Variants in CDH12 observed in about 807,000 individuals in gnomAD.
CDH12 encodes the protein cadherin-12.
Under a neutral mutation model 74.1 loss-of-function variants are expected in CDH12, and 41 were observed. The ratio of observed to expected loss-of-function variants is 0.55; its 90% confidence interval spans 0.43 to 0.72. The LOEUF (loss-of-function observed/expected upper bound fraction) is 0.72. CDH12 is among the 30% of genes least tolerant of loss of function. The pLI is 0.00. For missense variants in CDH12, 945 were observed against 977.2 expected, an observed-to-expected ratio of 0.97 and a Z score of 0.44; for synonymous variants, 399 against 355.0, an observed-to-expected ratio of 1.12 and a Z score of -1.39.
chr5:21,881,720 A>G (rs1752364836), intron 6 of CDH12, among the ~76,000 whole-genome samples: 1 of 152,202 alleles, frequency 6.6e-6, no homozygotes, highest in Non-Finnish European at 1.5e-5. Context: ...CTGATACAAA[A>G]TGGTTACTAA....
intron 1 of CDH12, among the ~76,000 whole-genome samples, chr5:22,690,660 T>C (rs1317403336): frequency 1.3e-5 from 2 of 152,170 alleles, no homozygotes; most frequent in Non-Finnish European, 2.9e-5. Context: ...ATAACCTTTT[T>C]GTAAGTTCAG....
chr5:22,356,182 G>A (rs1164864222), intron 3 of CDH12, among the ~76,000 whole-genome samples: 1 of 152,054 alleles, frequency 6.6e-6, no homozygotes, highest in Non-Finnish European at 1.5e-5. Context: ...TCTGTTTGTG[G>A]TGTTTATTTT....
chr5:22,561,525 G>A (rs1218622447), intron 1 of CDH12, among the ~76,000 whole-genome samples: 1 of 151,868 alleles, frequency 6.6e-6, no homozygotes, highest in Non-Finnish European at 1.5e-5. Context: ...TCCACCTAAG[G>A]GAGCTGGATC....
chr5:22,658,914 G>C (rs890014787), intron 1 of CDH12, among the ~76,000 whole-genome samples: 1 of 152,080 alleles, frequency 6.6e-6, no homozygotes, highest in African/African-American at 2.4e-5. Context: ...GGCTTATAGG[G>C]GGGGATGTAT....
chr5:22,824,822 T>C (rs1284832274), intron 1 of CDH12, among the ~76,000 whole-genome samples: 1 of 151,812 alleles, frequency 6.6e-6, no homozygotes, highest in Non-Finnish European at 1.5e-5. Context: ...ACAATAGCAT[T>C]AGTTTATGTT....
At chr5:22,109,497 C>T (rs1744690879) in intron 4 of CDH12, among the ~76,000 whole-genome samples, 1 of 152,176 alleles carries the variant, frequency 6.6e-6, no homozygotes, top group Non-Finnish European at 1.5e-5. Flanking sequence ...TTACTGCTGT[C>T]ACTATGAGTA....
intron 5 of CDH12, among the ~76,000 whole-genome samples, chr5:22,006,521 G>T (rs1736968598): frequency 1.3e-5 from 2 of 151,716 alleles, no homozygotes; most frequent in African/African-American, 4.8e-5. Context: ...GATCTATTTA[G>T]AAATTATATA....
intron 3 of CDH12, among the ~76,000 whole-genome samples, chr5:22,214,550 A>T (rs998964829): frequency 3.3e-5 from 5 of 152,328 alleles, no homozygotes; most frequent in Admixed American, 2.6e-4. Flanking sequence ...AGTGGGATAG[A>T]TTCCAGGGCT....
intron 2 of CDH12, among the ~76,000 whole-genome samples, chr5:22,417,372 C>A (rs1743443065): frequency 3.3e-5 from 5 of 152,156 alleles, no homozygotes; most frequent in Admixed American, 1.3e-4. Context: ...TACTGGGGGA[C>A]TGGATAAGTT....
intron 1 of CDH12, among the ~76,000 whole-genome samples, chr5:22,812,462 T>C (rs1020869449): frequency 6.6e-6 from 1 of 152,164 alleles, no homozygotes; most frequent in Non-Finnish European, 1.5e-5. Context: ...CTAGTTGGGA[T>C]AGCAGAGCAT....
intron 1 of CDH12, among the ~76,000 whole-genome samples, chr5:22,628,194 A>G (rs1402944391): frequency 1.3e-5 from 2 of 152,120 alleles, no homozygotes; most frequent in Non-Finnish European, 2.9e-5. Context: ...TAGATCAACC[A>G]TCAAGGCATA....
intron 3 of CDH12, among the ~76,000 whole-genome samples, chr5:22,275,130 G>T (rs1011429921): frequency 1.3e-5 from 2 of 152,082 alleles, no homozygotes; most frequent in Non-Finnish European, 2.9e-5. Flanking sequence ...CCTGTCAGGA[G>T]GTCAGGGGCA....
At chr5:22,818,776 G>T (rs976599037) in intron 1 of CDH12, among the ~76,000 whole-genome samples, 1 of 152,102 alleles carries the variant, frequency 6.6e-6, no homozygotes, top group South Asian at 2.1e-4. Flanking sequence ...AGTACCTTGG[G>T]GTTGTTTCTG....
chr5:21,924,844 C>T (rs145466109), intron 6 of CDH12, among the ~76,000 whole-genome samples: 3 of 152,236 alleles, frequency 2.0e-5, no homozygotes, highest in African/African-American at 7.2e-5. Context: ...TTTACTGAGG[C>T]TATCCTCAGA....
At chr5:22,657,564 T>G (rs1463358051) in intron 1 of CDH12, among the ~76,000 whole-genome samples, 1 of 152,178 alleles carries the variant, frequency 6.6e-6, no homozygotes, top group Non-Finnish European at 1.5e-5. Flanking sequence ...CATGAATTTT[T>G]ATTACTCTAT....
At chr5:22,520,443 T>C (rs1456897367) in intron 1 of CDH12, among the ~76,000 whole-genome samples, 2 of 152,062 alleles carry the variant, frequency 1.3e-5, no homozygotes, top group Non-Finnish European at 2.9e-5. Flanking sequence ...ATCCAGCAAA[T>C]AAGTTAGATT....
intron 1 of CDH12, among the ~76,000 whole-genome samples, chr5:22,836,686 C>A (rs940970268): frequency 4.0e-5 from 6 of 150,966 alleles, no homozygotes; most frequent in South Asian, 2.1e-4. Context: ...GGTGTTTATT[C>A]AAAAAAAAAT....
At chr5:21,894,288 AGAATTGCTT>A (rs1165352459) in intron 6 of CDH12, among the ~76,000 whole-genome samples, 1 of 149,284 alleles carries the variant, frequency 6.7e-6, no homozygotes, top group African/African-American at 2.5e-5. Flanking sequence ...CTGAGACAGG[AGAATTGCTT>A]GAACCCGGGA....
rs1032874165 is a variant in CDH12, at chr5:21,750,919, C to A, written c.*818G>T. The A allele has an allele frequency of 6.0e-5, 9 of 150,292 alleles. No homozygotes were observed. The highest frequency in any genetic ancestry group is 5.8e-4 in the East Asian group (3 of 5,138). The allele number at this position is 150,292 out of a possible 1,614,324, so 9.3% of individuals were successfully genotyped here. ...TAATGTGTAATTTGAGCCCTGAGGC[C>A]TCTCTTTATAAAGAGGAATATTTTT... On this transcript the variant is annotated 3_prime_UTR_variant, in exon 15 of 15. Coordinates refer to ENST00000382254, the MANE Select transcript of CDH12 (RefSeq NM_004061.5).
Sources: gnomAD v4.1 joint callset for allele counts (sites outside exome capture counted in the v4.1 genomes callset) on GRCh38, gnomAD v4.1.1 for gene constraint, MANE v1.5 for transcripts, NCBI Gene and HGNC (gene_info 2026-07-23, HGNC 2026-07-21) for gene names.